GSTA3: variants seen among roughly 807,000 people sequenced by gnomAD.
The protein encoded by GSTA3 is glutathione S-transferase alpha 3.
GSTA3 carries 16 observed loss-of-function variants against 23.1 expected under a neutral mutation model. That is an observed-to-expected ratio of 0.69 (90% CI 0.47 to 1.05). The LOEUF (loss-of-function observed/expected upper bound fraction) is 1.05. Among genes scored for constraint, GSTA3 ranks in the 50% least tolerant of loss-of-function variants. GSTA3 has a pLI of 0.00. For missense variants in GSTA3, 319 were observed against 263.6 expected, an observed-to-expected ratio of 1.21 and a Z score of -1.46; for synonymous variants, 122 against 91.0, an observed-to-expected ratio of 1.34 and a Z score of -1.94.
At position 52,905,779 on chromosome 6, in the gene GSTA3, A is replaced by T. The variant is rs1765870764; in HGVS notation, c.56T>A (p.Ile19Asn). 6.2e-7 allele frequency: 1 copy of T among 1,610,244 alleles called. No individual in the cohort carries two copies. Among genetic ancestry groups the T allele is most frequent in the Non-Finnish European group, 8.5e-7 (1 of 1,177,522 alleles). ...TCCAGCTGCAGCCAAGAGCCACCGGATGGGCTCCATTCTGCCCCGTCCATT... is the reference window on the plus strand; with the variant it reads ...TCCAGCTGCAGCCAAGAGCCACCGGTTGGGCTCCATTCTGCCCCGTCCATT... The part of the protein sequence containing the change: ...YFNGRGRMEP[I>N]RWLLAAAGVE... The change falls in exon 2 of 7, where the codon ATC (isoleucine) becomes AAC (asparagine). Residue 19 changes from isoleucine to asparagine, a missense_variant. Physicochemically the swap from Ile to Asn is moderately radical, Grantham distance 149. Coordinates refer to ENST00000211122, the MANE Select transcript of GSTA3 (RefSeq NM_000847.5).
chr6:52,904,115 T>C (rs976786832), intron 2 of GSTA3, among the ~76,000 whole-genome samples: 9 of 152,072 alleles, frequency 5.9e-5, no homozygotes, highest in Non-Finnish European at 1.2e-4. Flanking sequence ...GCCACCTGAG[T>C]AGCTGGGACT....
At chr6:52,898,790 C>T (rs7754751) in intron 5 of GSTA3, among the ~76,000 whole-genome samples, 66,981 of 152,068 alleles carry the variant, frequency 0.44, 16,408 homozygotes, top group African/African-American at 0.64. Flanking sequence ...GATGGAACAA[C>T]GGTGAGCGCA....
intron 5 of GSTA3, among the ~76,000 whole-genome samples, chr6:52,898,965 C>G (rs1765568516): frequency 6.6e-6 from 1 of 152,114 alleles, no homozygotes; most frequent in African/African-American, 2.4e-5. Flanking sequence ...GGGGTGAGTG[C>G]TTTGGCAGGA....
chr6:52,902,795 G>A (rs942375140), intron 3 of GSTA3, among the ~76,000 whole-genome samples: 1 of 152,142 alleles, frequency 6.6e-6, no homozygotes, highest in African/African-American at 2.4e-5. Flanking sequence ...TACAACGGGA[G>A]TGCCAGAGAG....
At chr6:52,897,730 C>G (rs1581855172) in intron 6 of GSTA3, 95 bp downstream of exon 6, 7 of 1,427,032 alleles carry the variant, frequency 4.9e-6, no homozygotes, top group Non-Finnish European at 6.9e-6. Context: ...CTGAAAAAGG[C>G]TGGGGTCAGA....
chr6:52,900,621 C>G (rs918851581), intron 4 of GSTA3, among the ~76,000 whole-genome samples: 2 of 152,116 alleles, frequency 1.3e-5, no homozygotes, highest in Non-Finnish European at 2.9e-5. Context: ...CTTTGTTATG[C>G]ACATGACCAA....
chr6:52,909,224 C>T (rs764812363), intron 1 of GSTA3, among the ~76,000 whole-genome samples: 3 of 151,686 alleles, frequency 2.0e-5, no homozygotes, highest in Non-Finnish European at 4.4e-5. Flanking sequence ...TCAAGTGGTG[C>T]TCCCAAATGT....
At chr6:52,903,161 G>C (rs1309920837) in intron 3 of GSTA3, among the ~76,000 whole-genome samples, 2 of 152,068 alleles carry the variant, frequency 1.3e-5, no homozygotes, top group Non-Finnish European at 2.9e-5. Context: ...ACTCTGAGAG[G>C]TCTGGCCTTT....
chr6:52,903,005 C>T (rs1456320359), intron 3 of GSTA3, among the ~76,000 whole-genome samples: 2 of 152,104 alleles, frequency 1.3e-5, no homozygotes, highest in South Asian at 2.1e-4. Context: ...CTATTCTTTT[C>T]GTCTTATTCA....
chr6:52,897,144 C>T (rs1373727233), intron 6 of GSTA3, among the ~76,000 whole-genome samples: 1 of 152,200 alleles, frequency 6.6e-6, no homozygotes, highest in Non-Finnish European at 1.5e-5. Context: ...AAGTTTTAAT[C>T]AATTCAGTCA....
At chr6:52,908,032 C>T (rs1445308176) in intron 1 of GSTA3, among the ~76,000 whole-genome samples, 1 of 151,818 alleles carries the variant, frequency 6.6e-6, no homozygotes, top group African/African-American at 2.4e-5. Context: ...TCCCCCACCC[C>T]TCAAACTGTG....
chr6:52,906,314 A>G (rs918736618), intron 1 of GSTA3, among the ~76,000 whole-genome samples: 4 of 152,212 alleles, frequency 2.6e-5, no homozygotes, highest in Non-Finnish European at 5.9e-5. Context: ...CCAACTAGCT[A>G]GTTAGTGTCA....
At chr6:52,899,131 G>A (rs1367803366) in intron 5 of GSTA3, among the ~76,000 whole-genome samples, 1 of 152,138 alleles carries the variant, frequency 6.6e-6, no homozygotes, top group Non-Finnish European at 1.5e-5. Context: ...GGTCAGGGTG[G>A]AGCAGGTGAT....
At chr6:52,904,227 C>T (rs1032606275) in intron 2 of GSTA3, among the ~76,000 whole-genome samples, 1 of 152,032 alleles carries the variant, frequency 6.6e-6, no homozygotes, top group Non-Finnish European at 1.5e-5. Flanking sequence ...TGGGCTCAAG[C>T]AATCCTCCCC....
chr6:52,899,584 T>C (rs1179664908), intron 5 of GSTA3, among the ~76,000 whole-genome samples: 1 of 152,246 alleles, frequency 6.6e-6, no homozygotes, highest in Non-Finnish European at 1.5e-5. Context: ...GCTTTCATCA[T>C]GTTCATCTTC....
intron 3 of GSTA3, among the ~76,000 whole-genome samples, chr6:52,903,419 C>G (rs915244342): frequency 7.1e-6 from 1 of 140,672 alleles, no homozygotes; most frequent in Non-Finnish European, 1.5e-5. Context: ...AACCCCGTCT[C>G]TACTAAAAAT....
At position 52,905,858 on chromosome 6, in the gene GSTA3, A is replaced by G; in HGVS notation, c.-21-3T>C. 1 of 1,388,164 alleles carries G rather than the reference A, an allele frequency of 7.2e-7. No homozygotes were observed. The highest frequency in any genetic ancestry group is 1.0e-6 in the Non-Finnish European group (1 of 981,448). The allele number at this position is 1,388,164 out of a possible 1,614,324, so 86.0% of individuals were successfully genotyped here. ...ATGGTAACAGTCTCTTGGTTTCTCT[A>G]AAATGAATGAATGAATGCATGAATG... On this transcript the variant is annotated splice_region_variant and splice_polypyrimidine_tract_variant and intron_variant, in intron 1 of 6. Transcript: ENST00000211122.
intron 2 of GSTA3, 102 bp from the exon 3 acceptor site, chr6:52,903,829 T>C (rs1765788698): frequency 1.4e-6 from 1 of 714,818 alleles, no homozygotes. Flanking sequence ...TTGGAGAACA[T>C]AAGATTTCTG....
chr6:52,908,069 A>G (rs1412087203), intron 1 of GSTA3, among the ~76,000 whole-genome samples: 1 of 151,780 alleles, frequency 6.6e-6, no homozygotes, highest in Non-Finnish European at 1.5e-5. Flanking sequence ...AGAAGTTGTC[A>G]TAGTCTTTAA....
Sources: gnomAD v4.1 joint callset for allele counts (sites outside exome capture counted in the v4.1 genomes callset) on GRCh38, gnomAD v4.1.1 for gene constraint, MANE v1.5 for transcripts, NCBI Gene and HGNC (gene_info 2026-07-23, HGNC 2026-07-21) for gene names.